PPIL6: variants seen among roughly 807,000 people sequenced by gnomAD.
PPIL6 encodes peptidylprolyl isomerase like 6, also known as probable inactive peptidyl-prolyl cis-trans isomerase-like 6.
In PPIL6, 39 loss-of-function variants were observed where a neutral mutation model predicts 36.8. That is an observed-to-expected ratio of 1.06 (90% confidence interval 0.82 to 1.38). The LOEUF (loss-of-function observed/expected upper bound fraction) is 1.38. Among genes scored for constraint, PPIL6 ranks in the 40% most tolerant of loss-of-function variants. The probability of loss-of-function intolerance (pLI) is 0.00; values close to 1 mark genes in which losing one functional copy is unlikely to be tolerated. For missense variants in PPIL6, 368 were observed against 379.1 expected (o/e 0.97, Z 0.24); for synonymous variants, 123 against 134.1 (o/e 0.92, Z 0.57).
intron 6 of PPIL6, among the ~76,000 whole-genome samples, chr6:109,412,963 G>A (rs1043819891): frequency 6.6e-6 from 1 of 152,020 alleles, no homozygotes; most frequent in Non-Finnish European, 1.5e-5. Context: ...TTCAAGACCA[G>A]CCTGGCCAAC....
intron 5 of PPIL6, among the ~76,000 whole-genome samples, chr6:109,421,584 T>C (rs960113719): frequency 6.6e-6 from 1 of 152,114 alleles, no homozygotes; most frequent in African/African-American, 2.4e-5. Context: ...CTGCTCAATA[T>C]GATGATGATG....
At position 109,390,762 on chromosome 6, in the gene PPIL6, A is replaced by G. The variant is rs1772067983; in HGVS notation, c.*2064T>C. On this transcript the variant is annotated 3_prime_UTR_variant, in exon 8 of 8. Transcript: ENST00000521072. Reference sequence around the variant, plus strand: ...ACCAATGTCAGCTGCCTGGTTTGATATTGTACTACCGTTTTGTAAGCGTAG... The same window carrying G: ...ACCAATGTCAGCTGCCTGGTTTGATGTTGTACTACCGTTTTGTAAGCGTAG... 1 of 152,228 alleles carries G rather than the reference A, an allele frequency of 6.6e-6. No individual in the cohort carries two copies. 9.4% of individuals were successfully genotyped at this position (152,228 alleles called of 1,614,324 possible). A position where few individuals can be genotyped will look rare whatever the true frequency, so the allele number is the denominator to read the frequency against.
At chr6:109,400,469 A>G (rs890448898) in intron 6 of PPIL6, among the ~76,000 whole-genome samples, 2 of 152,218 alleles carry the variant, frequency 1.3e-5, no homozygotes, top group Admixed American at 6.5e-5. Context: ...TATTCTAATC[A>G]AGAATAAAGG....
chr6:109,427,051 T>C (rs1562270102), intron 4 of PPIL6, 43 bp downstream of exon 4: 3 of 1,596,782 alleles, frequency 1.9e-6, no homozygotes, highest in Middle Eastern at 1.7e-4. Flanking sequence ...CCAACAGTTA[T>C]AGATCCTACC....
intron 6 of PPIL6, among the ~76,000 whole-genome samples, chr6:109,402,647 A>C (rs1443383663): frequency 6.6e-6 from 1 of 152,234 alleles, no homozygotes; most frequent in Admixed American, 6.5e-5. Flanking sequence ...GGGACAGAAT[A>C]AATTATATTT....
At chr6:109,406,843 T>C (rs2115212328) in intron 6 of PPIL6, among the ~76,000 whole-genome samples, 1 of 152,328 alleles carries the variant, frequency 6.6e-6, no homozygotes, top group South Asian at 2.1e-4. Context: ...ATTATTATTG[T>C]TTGTGAAGCT....
chr6:109,423,074 T>A (rs1773633822), intron 5 of PPIL6, among the ~76,000 whole-genome samples: 1 of 152,094 alleles, frequency 6.6e-6, no homozygotes, highest in Non-Finnish European at 1.5e-5. Context: ...TAAGCAATAA[T>A]ATATGAGTTC....
chr6:109,417,704 C>G (rs2115239644), intron 6 of PPIL6, among the ~76,000 whole-genome samples: 1 of 152,264 alleles, frequency 6.6e-6, no homozygotes, highest in East Asian at 1.9e-4. Flanking sequence ...GATAGCAAAA[C>G]AATCACAAAG....
chr6:109,438,691 C>T (rs1012538994), intron 1 of PPIL6, among the ~76,000 whole-genome samples: 3 of 151,870 alleles, frequency 2.0e-5, no homozygotes, highest in South Asian at 2.1e-4. Flanking sequence ...CGGGTTCAAG[C>T]GATTCTCCAG....
intron 6 of PPIL6, 61 bp from the exon 7 acceptor site, chr6:109,400,231 C>A: frequency 7.1e-7 from 1 of 1,414,856 alleles, no homozygotes; most frequent in Non-Finnish European, 9.7e-7. Context: ...TTTATTGTAA[C>A]ATATAAGGAA....
chr6:109,437,552 T>TC (rs1774518018), intron 1 of PPIL6, among the ~76,000 whole-genome samples: 2 of 104,910 alleles, frequency 1.9e-5, no homozygotes, highest in Admixed American at 8.8e-5. Context: ...TCTTTTCTTT[T>TC]TTTTTTTTTT....
chr6:109,399,893 C>T (rs1772456652), intron 7 of PPIL6, 142 bp downstream of exon 7: 3 of 574,276 alleles, frequency 5.2e-6, no homozygotes, highest in African/African-American at 1.9e-5. Flanking sequence ...TTCTTAAATA[C>T]TTTTGTCTCT....
rs7756374 is a variant in PPIL6 at position 109,413,217 on chromosome 6, C to T, written c.688+5970G>A. Among the ~76,000 whole-genome samples, 3,000 of 151,950 alleles carry T rather than the reference C, an allele frequency of 0.02. 76 individuals carry two copies. Among genetic ancestry groups the T allele is most frequent in the African/African-American group, 0.062 (2,574 of 41,422 alleles). On this transcript the variant is annotated intron_variant, in intron 6 of 7. Transcript: ENST00000521072. This position sits in a 1 kb window ranked among gnomAD's most constrained non-coding sequence, Gnocchi z 4.6. ...AAATATTTGCAAACTACCCATCTGA[C>T]GAGGGATTAATAACCAGAATATATA... is the stretch of plus-strand genomic sequence containing the variant.
At chr6:109,440,338 C>A in intron 1 of PPIL6, 118 bp downstream of exon 1, 1 of 1,285,092 alleles carries the variant, frequency 7.8e-7, no homozygotes, top group Non-Finnish European at 1.1e-6. Flanking sequence ...CCAGCCCCTT[C>A]CTCGGCCGGT....
intron 6 of PPIL6, among the ~76,000 whole-genome samples, chr6:109,400,597 A>ATCTT (rs1291082058): frequency 4.6e-5 from 7 of 152,158 alleles, no homozygotes; most frequent in African/African-American, 1.4e-4. Context: ...CCCCCCAAGC[A>ATCTT]TCTTACACAT....
chr6:109,427,184 T>C, intron 3 of PPIL6, 28 bp from the exon 4 acceptor site: 1 of 1,561,240 alleles, frequency 6.4e-7, no homozygotes, highest in Non-Finnish European at 8.8e-7. Flanking sequence ...AATCATATAA[T>C]GCAGGTCAAA....
At chr6:109,440,942 G>C (rs9827), upstream of PPIL6, 1,706 of 613,872 alleles carry the variant, frequency 2.8e-3, 5 homozygotes, top group South Asian at 3.8e-3. Context: ...CAGCCGGCCG[G>C]TTGCCGGGGG....
At chr6:109,439,007 G>A (rs1008740615) in intron 1 of PPIL6, among the ~76,000 whole-genome samples, 1 of 152,138 alleles carries the variant, frequency 6.6e-6, no homozygotes, top group East Asian at 1.9e-4. Context: ...TTCCATCTCT[G>A]TGTCTGCTTT....
intron 2 of PPIL6, among the ~76,000 whole-genome samples, chr6:109,432,142 T>C (rs1472881309): frequency 6.6e-6 from 1 of 152,186 alleles, no homozygotes; most frequent in Non-Finnish European, 1.5e-5. Context: ...CATTTTACTG[T>C]GTGCATACTT....
Sources: allele counts gnomAD v4.1 joint callset (sites outside exome capture counted in the v4.1 genomes callset), GRCh38; gene constraint gnomAD v4.1.1; non-coding constraint Gnocchi (gnomAD v3.1); transcripts MANE v1.5; gene names NCBI Gene and HGNC (gene_info 2026-07-23, HGNC 2026-07-21).